The following DLC1 variants were observed in gnomAD, a reference collection of about 807,000 sequenced individuals.
The protein encoded by DLC1 is DLC1 Rho GTPase activating protein, also known as rho GTPase-activating protein 7.
Under a neutral mutation model 140.3 loss-of-function variants are expected in DLC1, and 54 were observed. That is an observed-to-expected ratio of 0.38 (90% CI 0.31 to 0.48). DLC1 has a LOEUF of 0.48. Among genes scored for constraint, DLC1 ranks in the 20% least tolerant of loss-of-function variants. DLC1 has a pLI of 0.96. For missense variants in DLC1, 2,536 were observed against 1,907.0 expected (o/e 1.33, Z -6.14); for synonymous variants, 986 against 728.1 (o/e 1.35, Z -5.70).
At chr8:13,155,270 G>T (rs1824167775) in intron 5 of DLC1, among the ~76,000 whole-genome samples, 1 of 150,980 alleles carries the variant, frequency 6.6e-6, no homozygotes, top group African/African-American at 2.4e-5. Context: ...CATTTATAAT[G>T]TATCCAGTTT....
chr8:13,116,906 G>C (rs1585673382), intron 5 of DLC1, among the ~76,000 whole-genome samples: 1 of 152,210 alleles, frequency 6.6e-6, no homozygotes, highest in African/African-American at 2.4e-5. Flanking sequence ...GTGCAGCAGT[G>C]AAAGTAGCAT....
intron 2 of DLC1, among the ~76,000 whole-genome samples, chr8:13,415,726 C>CT (rs1346995194): frequency 2.0e-5 from 3 of 151,910 alleles, no homozygotes; most frequent in East Asian, 1.9e-4. Flanking sequence ...ATTATTATTT[C>CT]TTTTTTACCA....
intron 2 of DLC1, among the ~76,000 whole-genome samples, chr8:13,444,552 G>A (rs958868448): frequency 3.3e-5 from 5 of 152,186 alleles, no homozygotes; most frequent in African/African-American, 1.2e-4. Context: ...TCTACACTAC[G>A]AAAGGAACAA....
rs531854065 is a variant in DLC1, at chr8:13,324,005, G to T, written c.1315-18703C>A. On this transcript the variant is annotated intron_variant, in intron 4 of 17. Coordinates refer to ENST00000276297, the MANE Select transcript of DLC1 (RefSeq NM_182643.3). ...TCCTTAATGCCCTGGCTGAATTACA[G>T]CCTTCCAGGAGGTGCCACTGAGCCT... 3.9e-5 allele frequency among the ~76,000 whole-genome samples: 6 copies of T among 152,334 alleles called. No homozygotes were observed. The South Asian group carries it at 1.2e-3, about 32-fold the overall frequency.
At chr8:13,093,501 A>C (rs1452143084) in intron 12 of DLC1, among the ~76,000 whole-genome samples, 2 of 152,198 alleles carry the variant, frequency 1.3e-5, no homozygotes, top group Non-Finnish European at 2.9e-5. Flanking sequence ...AATATATAAA[A>C]ATGCAAATAA....
chr8:13,348,085 T>A (rs1356610353), intron 4 of DLC1, among the ~76,000 whole-genome samples: 1 of 103,358 alleles, frequency 9.7e-6, no homozygotes, highest in Non-Finnish European at 2.0e-5. Context: ...CAAGACTCCA[T>A]CTCAAAAACA....
chr8:13,359,389 A>C (rs989481415), intron 4 of DLC1, among the ~76,000 whole-genome samples: 1 of 152,202 alleles, frequency 6.6e-6, no homozygotes, highest in Admixed American at 6.5e-5. Flanking sequence ...AAATCTGGGC[A>C]AATGGGTCTT....
intron 4 of DLC1, among the ~76,000 whole-genome samples, chr8:13,388,340 C>G (rs1320382119): frequency 6.6e-6 from 1 of 151,900 alleles, no homozygotes; most frequent in Admixed American, 6.6e-5. Flanking sequence ...GTTCTTCTAC[C>G]TTAGAAGCTT....
At chr8:13,593,259 C>A (rs551985735) in intron 1 of DLC1, among the ~76,000 whole-genome samples, 100 of 152,120 alleles carry the variant, frequency 6.6e-4, no homozygotes, top group Non-Finnish European at 1.2e-3. Flanking sequence ...ATCAGCATAC[C>A]AATTTTAGAA....
intron 5 of DLC1, among the ~76,000 whole-genome samples, chr8:13,250,279 C>T (rs1829945989): frequency 6.6e-6 from 1 of 152,146 alleles, no homozygotes; most frequent in Non-Finnish European, 1.5e-5. Flanking sequence ...ACAATATTGT[C>T]CCCATCTGCT....
Position 13,221,712 on chromosome 8 carries a change from ATGTG to A in DLC1, c.1348+83553_1348+83556del, listed in dbSNP as rs371741645. 5.9e-3 allele frequency among the ~76,000 whole-genome samples: 783 copies of A among 133,700 alleles called. 9 individuals carry two copies. Among genetic ancestry groups the A allele is most frequent in the African/African-American group, 0.02 (721 of 36,036 alleles). The allele number at this position is 133,700 out of a possible 152,430, so 87.7% of individuals were successfully genotyped here. On this transcript the variant is annotated intron_variant, in intron 5 of 17. Transcript: ENST00000276297. Reference sequence around the variant, plus strand: ...TGTGTGTGTGTATATGTGTGTGTATATGTGTGTGTGTGTGTATATATATATATAT... The same window carrying A: ...TGTGTGTGTGTATATGTGTGTGTATATGTGTGTGTGTATATATATATATAT...
upstream of DLC1, among the ~76,000 whole-genome samples, chr8:13,516,582 T>G (rs1315899859): frequency 1.3e-5 from 2 of 152,200 alleles, no homozygotes; most frequent in Admixed American, 1.3e-4. Context: ...TGCATGAGTT[T>G]GAAGATGAGA....
At chr8:13,352,534 A>G (rs1327594329) in intron 4 of DLC1, among the ~76,000 whole-genome samples, 2 of 151,892 alleles carry the variant, frequency 1.3e-5, no homozygotes, top group Non-Finnish European at 2.9e-5. Context: ...GGCATGCACC[A>G]CCATGCCTGA....
intron 5 of DLC1, among the ~76,000 whole-genome samples, chr8:13,146,479 A>C (rs1342408495): frequency 5.7e-4 from 87 of 152,014 alleles, no homozygotes; most frequent in Non-Finnish European, 5.9e-5. Flanking sequence ...AGTTATTAGA[A>C]ATAATCACCA....
chr8:13,117,246 G>C (rs770004441), intron 5 of DLC1, among the ~76,000 whole-genome samples: 3 of 152,202 alleles, frequency 2.0e-5, no homozygotes, highest in Non-Finnish European at 2.9e-5. Context: ...TGAGGTGGGA[G>C]GATCATTTGA....
chr8:13,361,590 C>T (rs1483472195), intron 4 of DLC1, among the ~76,000 whole-genome samples: 3 of 152,064 alleles, frequency 2.0e-5, no homozygotes, highest in Non-Finnish European at 4.4e-5. Flanking sequence ...TTCAATGTTA[C>T]TTAATGGACA....
intron 5 of DLC1, among the ~76,000 whole-genome samples, chr8:13,119,678 G>A (rs1419693701): frequency 6.6e-6 from 1 of 152,144 alleles, no homozygotes; most frequent in Non-Finnish European, 1.5e-5. Flanking sequence ...GAGGCCAAGC[G>A]AGGTGGCTCA....
At chr8:13,378,408 G>T (rs1170086317) in intron 4 of DLC1, among the ~76,000 whole-genome samples, 1 of 151,536 alleles carries the variant, frequency 6.6e-6, no homozygotes, top group East Asian at 2.0e-4. Context: ...ACTACATATG[G>T]CAATCAAATT....
At chr8:13,404,693 G>C (rs1353412775) in intron 2 of DLC1, among the ~76,000 whole-genome samples, 2 of 152,072 alleles carry the variant, frequency 1.3e-5, no homozygotes, top group Non-Finnish European at 2.9e-5. Flanking sequence ...ATGAATTGTA[G>C]ATGTCAAGTT....
Sources: gnomAD v4.1 joint callset for allele counts (sites outside exome capture counted in the v4.1 genomes callset) on GRCh38, gnomAD v4.1.1 for gene constraint, MANE v1.5 for transcripts, NCBI Gene and HGNC (gene_info 2026-07-23, HGNC 2026-07-21) for gene names.